The following PDZRN3 variants were observed in gnomAD, a reference collection of about 807,000 sequenced individuals.
PDZRN3 encodes E3 ubiquitin-protein ligase PDZRN3.
A neutral mutation model predicts 85.7 loss-of-function variants in PDZRN3; 38 were observed. That is an observed-to-expected ratio of 0.44 (90% CI 0.34 to 0.58). The LOEUF is 0.58. PDZRN3 is among the 20% of genes least tolerant of loss of function. PDZRN3 has a pLI of 0.01. For synonymous variants in PDZRN3, 759 were observed against 638.0 expected (o/e 1.19, Z -2.86); for missense variants, 1,629 against 1,506.4 (o/e 1.08, Z -1.35).
intron 3 of PDZRN3, among the ~76,000 whole-genome samples, chr3:73,581,804 T>TAA (rs3831963): frequency 1.4e-4 from 21 of 145,462 alleles, no homozygotes; most frequent in Admixed American, 2.1e-4. Context: ...AGACAATGAT[T>TAA]AAAAAAAAAA....
intron 3 of PDZRN3, among the ~76,000 whole-genome samples, chr3:73,459,224 A>G (rs530189611): frequency 7.9e-5 from 12 of 152,256 alleles, no homozygotes; most frequent in African/African-American, 2.9e-4. Flanking sequence ...AACCACCCCC[A>G]TAATAATTCA....
At chr3:73,619,131 GA>G (rs1257985250) in intron 1 of PDZRN3, among the ~76,000 whole-genome samples, 1 of 152,130 alleles carries the variant, frequency 6.6e-6, no homozygotes, top group Non-Finnish European at 1.5e-5. Flanking sequence ...CCCTAAACCT[GA>G]AAACAATTTT....
chr3:73,428,638 C>T (rs1350766325), intron 3 of PDZRN3, among the ~76,000 whole-genome samples: 2 of 152,150 alleles, frequency 1.3e-5, no homozygotes, highest in Non-Finnish European at 2.9e-5. Context: ...AAGGAAAACT[C>T]CTTTATGGTC....
At chr3:73,511,876 C>G (rs1704173333) in intron 3 of PDZRN3, among the ~76,000 whole-genome samples, 1 of 152,120 alleles carries the variant, frequency 6.6e-6, no homozygotes, top group South Asian at 2.1e-4. Flanking sequence ...ACCGTCTGGG[C>G]GAATACACAA....
intron 3 of PDZRN3, among the ~76,000 whole-genome samples, chr3:73,543,950 T>C (rs78679900): frequency 6.6e-6 from 1 of 152,360 alleles, no homozygotes; most frequent in African/African-American, 2.4e-5. Context: ...GGTGTGGTGG[T>C]TGACGCTTCT....
intron 3 of PDZRN3, among the ~76,000 whole-genome samples, chr3:73,411,607 T>C (rs1366649621): frequency 6.7e-6 from 1 of 148,888 alleles, no homozygotes; most frequent in Non-Finnish European, 1.5e-5. Flanking sequence ...GAGTCCACCA[T>C]AGTGGCAGCA....
At chr3:73,522,193 A>G (rs1201786016) in intron 3 of PDZRN3, among the ~76,000 whole-genome samples, 1 of 152,196 alleles carries the variant, frequency 6.6e-6, no homozygotes, top group African/African-American at 2.4e-5. Flanking sequence ...CACAAAGTCT[A>G]AAATATTGAC....
At chr3:73,599,819 A>G (rs1189533388) in intron 3 of PDZRN3, among the ~76,000 whole-genome samples, 1 of 152,152 alleles carries the variant, frequency 6.6e-6, no homozygotes, top group Non-Finnish European at 1.5e-5. Flanking sequence ...CATAAGGTGC[A>G]TCCCAGTGAG....
In PDZRN3 at chr3:73,465,771, G is replaced by C. The variant is rs535956897; in HGVS notation, c.919-61376C>G. On this transcript the variant is annotated intron_variant, in intron 3 of 9. Transcript: ENST00000263666. Reference sequence around the variant, plus strand: ...AAAATTTATTATCTCTACTGCCACGGGGATTTATAGTTTCTCCTTTAATAG... The same window carrying C: ...AAAATTTATTATCTCTACTGCCACGCGGATTTATAGTTTCTCCTTTAATAG... 7.2e-5 allele frequency among the ~76,000 whole-genome samples: 11 copies of C among 152,294 alleles called. No individual in the cohort carries two copies. The South Asian group carries it at 1.9e-3, about 26-fold the overall frequency.
At chr3:73,560,584 C>T (rs1701795616) in intron 3 of PDZRN3, among the ~76,000 whole-genome samples, 1 of 152,230 alleles carries the variant, frequency 6.6e-6, no homozygotes, top group Non-Finnish European at 1.5e-5. Context: ...ACTCAACCTA[C>T]TCATCATTCA....
intron 3 of PDZRN3, among the ~76,000 whole-genome samples, chr3:73,572,522 C>T (rs80189287): frequency 0.021 from 3,144 of 152,270 alleles, 200 homozygotes; most frequent in East Asian, 0.2. Flanking sequence ...GAAAACCAGG[C>T]TATCTGGGGA....
intron 3 of PDZRN3, among the ~76,000 whole-genome samples, chr3:73,491,431 A>G (rs1411657904): frequency 6.6e-6 from 1 of 152,126 alleles, no homozygotes; most frequent in Non-Finnish European, 1.5e-5. Flanking sequence ...TTTCAAGAAG[A>G]TGCAAATTTA....
chr3:73,543,535 T>C (rs1302266649), intron 3 of PDZRN3, among the ~76,000 whole-genome samples: 1 of 152,266 alleles, frequency 6.6e-6, no homozygotes, highest in Non-Finnish European at 1.5e-5. Flanking sequence ...TTTGGTGCTC[T>C]CTCTTTCTCT....
intron 3 of PDZRN3, among the ~76,000 whole-genome samples, chr3:73,469,399 T>A (rs1033652885): frequency 6.6e-6 from 1 of 152,192 alleles, no homozygotes; most frequent in Admixed American, 6.5e-5. Flanking sequence ...ACGAATGAGA[T>A]CTGAACAACT....
intron 3 of PDZRN3, among the ~76,000 whole-genome samples, chr3:73,566,469 C>T (rs1267938043): frequency 1.3e-5 from 2 of 152,218 alleles, no homozygotes; most frequent in Non-Finnish European, 2.9e-5. Context: ...AAAAGAACCA[C>T]TCCTTTGTCC....
chr3:73,394,412 G>A (rs571224962), intron 5 of PDZRN3, among the ~76,000 whole-genome samples: 17 of 152,260 alleles, frequency 1.1e-4, no homozygotes, highest in Admixed American at 9.1e-4. Flanking sequence ...AGAACAAACC[G>A]TCATGGGGAC....
At chr3:73,619,388 A>T (rs543099941) in intron 1 of PDZRN3, among the ~76,000 whole-genome samples, 1 of 152,354 alleles carries the variant, frequency 6.6e-6, no homozygotes, top group Admixed American at 6.5e-5. Context: ...CAGGAGGATA[A>T]CCAAAGTAAG....
At chr3:73,399,835 C>T (rs1042886894) in intron 5 of PDZRN3, among the ~76,000 whole-genome samples, 1 of 152,152 alleles carries the variant, frequency 6.6e-6, no homozygotes, top group Non-Finnish European at 1.5e-5. Context: ...CCACTGGCAA[C>T]AAGTCCTTTG....
chr3:73,429,346 G>A (rs902485885), intron 3 of PDZRN3, among the ~76,000 whole-genome samples: 5 of 152,124 alleles, frequency 3.3e-5, no homozygotes, highest in Non-Finnish European at 7.3e-5. Context: ...ATTTTGCCAG[G>A]TTCAAAACTG....
Sources: gnomAD v4.1 joint callset for allele counts (sites outside exome capture counted in the v4.1 genomes callset) on GRCh38, gnomAD v4.1.1 for gene constraint, MANE v1.5 for transcripts, NCBI Gene and HGNC (gene_info 2026-07-23, HGNC 2026-07-21) for gene names.